Variants in EXTL3 observed in about 807,000 individuals in gnomAD.
The protein encoded by EXTL3 is exostosin-like 3.
EXTL3 carries 27 observed loss-of-function variants against 69.3 expected under a neutral mutation model. The ratio of observed to expected loss-of-function variants is 0.39; its 90% confidence interval spans 0.29 to 0.54. The LOEUF (loss-of-function observed/expected upper bound fraction) is 0.54, where lower values mean the gene tolerates loss of function less well. Ranked by LOEUF, EXTL3 falls within the 20% of genes least tolerant of loss-of-function variation. The probability of loss-of-function intolerance (pLI) is 0.69; values close to 1 mark genes in which losing one functional copy is unlikely to be tolerated. For synonymous variants in EXTL3, 511 were observed against 499.4 expected (o/e 1.02, Z -0.31); for missense variants, 1,003 against 1,231.8 (o/e 0.81, Z 2.78).
intron 1 of EXTL3, among the ~76,000 whole-genome samples, chr8:28,627,505 A>G (rs1227492895): frequency 6.7e-6 from 1 of 149,930 alleles, no homozygotes; most frequent in Admixed American, 6.7e-5. Flanking sequence ...AAAAAAAAAA[A>G]GTCTCCTTGA....
chr8:28,644,427 G>A (rs949875916), intron 1 of EXTL3, among the ~76,000 whole-genome samples: 46 of 152,150 alleles, frequency 3.0e-4, no homozygotes, highest in African/African-American at 9.9e-4. Context: ...GGCCCAGTGC[G>A]GTGGCTCACA....
chr8:28,731,416 A>G, intron 4 of EXTL3, 66 bp downstream of exon 4: 8 of 1,590,734 alleles, frequency 5.0e-6, no homozygotes, highest in Non-Finnish European at 6.9e-6. Context: ...TTAGGCTGCA[A>G]AATGAATTTT....
At chr8:28,645,539 G>A (rs1026733962) in intron 1 of EXTL3, among the ~76,000 whole-genome samples, 6 of 152,134 alleles carry the variant, frequency 3.9e-5, no homozygotes, top group Admixed American at 6.5e-5. Context: ...GTACAACAAC[G>A]ACTAGGAGGA....
rs189992076 is a variant in EXTL3 at position 28,654,925 on chromosome 8, C to T, written c.-53+32115C>T. 4.6e-5 allele frequency among the ~76,000 whole-genome samples: 7 copies of T among 152,188 alleles called. No individual in the cohort carries two copies. The East Asian group carries it at 9.6e-4, about 21-fold the overall frequency. ...AACAGAGAACTATTATTTAGTCAAA[C>T]CTTTTGGGCTTAGAGAAATAAAATG... On this transcript the variant is annotated intron_variant, in intron 1 of 6. Coordinates refer to the EXTL3 transcript ENST00000523149.
upstream of EXTL3, among the ~76,000 whole-genome samples, chr8:28,622,336 G>A (rs1472825796): frequency 6.6e-6 from 1 of 152,244 alleles, no homozygotes; most frequent in African/African-American, 2.4e-5. Context: ...GCCCGGTGCC[G>A]TATAGCCCTC....
chr8:28,674,422 T>C (rs240919), intron 1 of EXTL3, among the ~76,000 whole-genome samples: 33,663 of 152,184 alleles, frequency 0.22, 4,141 homozygotes, highest in East Asian at 0.43. Flanking sequence ...TATAATGATG[T>C]TGGTTGGAAC....
At chr8:28,618,367 A>G (rs1025504127), upstream of EXTL3, among the ~76,000 whole-genome samples, 4 of 152,242 alleles carry the variant, frequency 2.6e-5, no homozygotes, top group Admixed American at 6.5e-5. Context: ...GATTCCTGGC[A>G]TGGGAATAGA....
At chr8:28,625,749 T>C (rs1806480145) in intron 1 of EXTL3, among the ~76,000 whole-genome samples, 2 of 152,112 alleles carry the variant, frequency 1.3e-5, no homozygotes, top group Admixed American at 6.6e-5. Flanking sequence ...TGTCTGCTCG[T>C]AGTGCTATCG....
chr8:28,647,144 G>A (rs915048221), intron 1 of EXTL3, among the ~76,000 whole-genome samples: 6 of 147,556 alleles, frequency 4.1e-5, no homozygotes, highest in Non-Finnish European at 7.4e-5. Flanking sequence ...TGCTCTTGTC[G>A]TCCAGGCTGG....
At chr8:28,704,352 A>G (rs1165127668) in intron 1 of EXTL3, among the ~76,000 whole-genome samples, 1 of 152,238 alleles carries the variant, frequency 6.6e-6, no homozygotes, top group Non-Finnish European at 1.5e-5. Flanking sequence ...ATACGCAGCC[A>G]TACAAACGGA....
chr8:28,672,261 C>CA (rs1188821223), intron 1 of EXTL3, among the ~76,000 whole-genome samples: 2 of 151,546 alleles, frequency 1.3e-5, no homozygotes, highest in Admixed American at 6.6e-5. Context: ...ACTAAAAATA[C>CA]AAAAAAATTA....
rs369118658 is a variant in EXTL3, at chr8:28,737,502, C to T, written c.2277-17C>T. 6.2e-7 allele frequency: 1 copy of T among 1,613,896 alleles called. No individual in the cohort carries two copies. The highest frequency in any genetic ancestry group is 1.3e-5 in the African/African-American group (1 of 75,028). ...AGCTCTGTATTCAGGTCTGTGTATG[C>T]ACTTGTGTTTTTCAAGGGTGTGGAG... On this transcript the variant is annotated splice_polypyrimidine_tract_variant and intron_variant, in intron 4 of 6. Transcript: ENST00000220562.
At chr8:28,667,033 C>T (rs911157980) in intron 1 of EXTL3, among the ~76,000 whole-genome samples, 1 of 152,248 alleles carries the variant, frequency 6.6e-6, no homozygotes, top group Admixed American at 6.5e-5. Context: ...CTGTGCTGGT[C>T]AGTCTGTTGA....
chr8:28,617,592 T>C (rs1037005348), intron 2 of EXTL3, among the ~76,000 whole-genome samples: 6 of 152,144 alleles, frequency 3.9e-5, no homozygotes, highest in Non-Finnish European at 7.3e-5. Flanking sequence ...AACACCAGCC[T>C]GGGCAACATG....
chr8:28,619,651 C>T (rs1013852128), upstream of EXTL3, among the ~76,000 whole-genome samples: 4 of 151,936 alleles, frequency 2.6e-5, no homozygotes, highest in Non-Finnish European at 4.4e-5. Context: ...CGGCAGCCTC[C>T]CCACTTTGAG....
At chr8:28,625,134 C>T (rs763550972) in intron 1 of EXTL3, among the ~76,000 whole-genome samples, 2 of 152,140 alleles carry the variant, frequency 1.3e-5, no homozygotes, top group African/African-American at 2.4e-5. Flanking sequence ...GAGTGACTCA[C>T]CAATTACTCA....
intron 1 of EXTL3, among the ~76,000 whole-genome samples, chr8:28,687,308 A>G (rs775882848): frequency 6.6e-6 from 1 of 152,318 alleles, no homozygotes; most frequent in African/African-American, 2.4e-5. Flanking sequence ...TCTACTTAAA[A>G]TACAAAAATT....
At position 28,662,987 on chromosome 8, in the gene EXTL3, A is replaced by G. The variant is rs541376074; in HGVS notation, c.-53+40177A>G. On this transcript the variant is annotated intron_variant, in intron 1 of 6. Coordinates refer to the EXTL3 transcript ENST00000523149. ...AATTAAAAAGTAGATAGAAATGGAA[A>G]TAATTGTATTACCGTACTATCAGTT... Among the ~76,000 whole-genome samples the G allele has an allele frequency of 2.0e-5, 3 of 152,266 alleles. No homozygotes were observed. In the East Asian group the frequency reaches 5.8e-4, roughly 29 times the overall value.
chr8:28,688,146 C>T (rs1253012865), intron 1 of EXTL3, among the ~76,000 whole-genome samples: 1 of 151,248 alleles, frequency 6.6e-6, no homozygotes, highest in African/African-American at 2.4e-5. Flanking sequence ...ACTGCAACCT[C>T]TGCCTCCCAG....
Sources: gnomAD v4.1 joint callset for allele counts (sites outside exome capture counted in the v4.1 genomes callset) on GRCh38, gnomAD v4.1.1 for gene constraint, MANE v1.5 for transcripts, NCBI Gene and HGNC (gene_info 2026-07-23, HGNC 2026-07-21) for gene names.